The following SGCD variants were observed in gnomAD, a reference collection of about 807,000 sequenced individuals.
The protein encoded by SGCD is sarcoglycan delta, also known as delta-sarcoglycan.
In SGCD, 18 loss-of-function variants were observed where a neutral mutation model predicts 36.6. That is an observed-to-expected ratio of 0.49 (90% confidence interval 0.34 to 0.73). The LOEUF is 0.73. SGCD is among the 30% of genes least tolerant of loss of function. The pLI, the probability that SGCD is intolerant of heterozygous loss-of-function variation, is 0.01. For missense variants in SGCD, 387 were observed against 346.7 expected (o/e 1.12, Z -0.92); for synonymous variants, 133 against 130.6 (o/e 1.02, Z -0.12).
chr5:156,011,659 G>A (rs1758863915), intron 1 of SGCD, among the ~76,000 whole-genome samples: 1 of 152,048 alleles, frequency 6.6e-6, no homozygotes, highest in Admixed American at 6.5e-5. Context: ...AGGGTGGTCT[G>A]GAACTCCTGA....
At chr5:156,491,221 CT>C (rs1755922841) in intron 3 of SGCD, among the ~76,000 whole-genome samples, 2 of 151,980 alleles carry the variant, frequency 1.3e-5, no homozygotes, top group African/African-American at 4.8e-5. Context: ...AAAACATCCC[CT>C]GATCATAGAT....
the SGCD span, among the ~76,000 whole-genome samples, chr5:155,784,021 A>G: frequency 6.6e-6 from 1 of 152,178 alleles, no homozygotes; most frequent in Non-Finnish European, 1.5e-5. Flanking sequence ...GAGGGTAAAT[A>G]TGAGCCACTG....
chr5:155,944,187 A>G (rs963657690), intron 1 of SGCD, among the ~76,000 whole-genome samples: 3 of 152,196 alleles, frequency 2.0e-5, no homozygotes, highest in African/African-American at 7.2e-5. Flanking sequence ...TAGCTCTGTG[A>G]GTTGTTTCCT....
chr5:155,970,009 A>G (rs1301719635), intron 1 of SGCD, among the ~76,000 whole-genome samples: 1 of 151,930 alleles, frequency 6.6e-6, no homozygotes, highest in Non-Finnish European at 1.5e-5. Context: ...CCTTTAGTCA[A>G]CAGGACACAT....
chr5:155,991,436 C>A (rs181469396), intron 1 of SGCD, among the ~76,000 whole-genome samples: 2 of 152,168 alleles, frequency 1.3e-5, no homozygotes, highest in South Asian at 2.1e-4. Flanking sequence ...TGAATTCACA[C>A]TCAAAGAGAT....
rs907826563 is a variant in SGCD at position 155,911,207 on chromosome 5, A to AT, written c.-282+40787dup. On this transcript the variant is annotated intron_variant, in intron 1 of 9. Coordinates refer to the SGCD transcript ENST00000517913. ...TTCAAATATAGCTTATTACATGTGA[A>AT]TTTTCTGATCCTTTCCAATGGCTTC... is the stretch of plus-strand genomic sequence containing the variant. Among the ~76,000 whole-genome samples the AT allele has an allele frequency of 2.6e-4, 40 of 151,696 alleles. 2 individuals carry two copies. Among genetic ancestry groups the AT allele is most frequent in the Admixed American group, 2.5e-3 (38 of 15,180 alleles).
intron 7 of SGCD, among the ~76,000 whole-genome samples, chr5:156,736,141 G>C (rs776451932): frequency 6.6e-6 from 1 of 152,110 alleles, no homozygotes; most frequent in Non-Finnish European, 1.5e-5. Context: ...ATTAGTCCCA[G>C]TGTTGACTGT....
chr5:156,078,527 A>ATATATTTATT (rs1561710117), intron 1 of SGCD, among the ~76,000 whole-genome samples: 16 of 138,592 alleles, frequency 1.2e-4, no homozygotes, highest in African/African-American at 4.1e-4. Flanking sequence ...AAAAATATAT[A>ATATATTTATT]TATATATATA....
At chr5:156,154,108 A>T (rs1762892247) in intron 3 of SGCD, among the ~76,000 whole-genome samples, 1 of 151,564 alleles carries the variant, frequency 6.6e-6, no homozygotes, top group Non-Finnish European at 1.5e-5. Flanking sequence ...CTGATTAACC[A>T]CTGCTCTAAT....
chr5:156,732,735 T>C (rs1453500730), intron 7 of SGCD, among the ~76,000 whole-genome samples: 1 of 152,158 alleles, frequency 6.6e-6, no homozygotes, highest in Non-Finnish European at 1.5e-5. Flanking sequence ...CTCTTTTTGG[T>C]TGGTAGGCTA....
At chr5:155,976,477 A>G (rs920227329) in intron 1 of SGCD, among the ~76,000 whole-genome samples, 1 of 152,248 alleles carries the variant, frequency 6.6e-6, no homozygotes, top group Non-Finnish European at 1.5e-5. Flanking sequence ...GCTGTTAACC[A>G]GCATACCAAG....
chr5:155,753,888 A>G, the SGCD span, among the ~76,000 whole-genome samples: 4 of 151,994 alleles, frequency 2.6e-5, no homozygotes, highest in East Asian at 3.9e-4. Flanking sequence ...TTTTTGACCC[A>G]TGTCACATTT....
At chr5:156,084,111 A>C (rs1435338371) in intron 1 of SGCD, among the ~76,000 whole-genome samples, 1 of 152,226 alleles carries the variant, frequency 6.6e-6, no homozygotes, top group Non-Finnish European at 1.5e-5. Flanking sequence ...ATTTAGAATA[A>C]GCTTGTCTGT....
intron 6 of SGCD, among the ~76,000 whole-genome samples, chr5:156,621,530 T>C (rs1391614169): frequency 6.7e-6 from 1 of 150,042 alleles, no homozygotes; most frequent in Non-Finnish European, 1.5e-5. Flanking sequence ...AAAAAAAAAA[T>C]GTGCGTTATG....
chr5:156,755,529 T>C (rs954041248), intron 7 of SGCD, among the ~76,000 whole-genome samples: 3 of 152,114 alleles, frequency 2.0e-5, no homozygotes, highest in Non-Finnish European at 4.4e-5. Context: ...TGGATTAAGG[T>C]TCTAGACCAG....
chr5:156,597,505 C>T (rs944263093), intron 6 of SGCD, among the ~76,000 whole-genome samples: 1 of 152,160 alleles, frequency 6.6e-6, no homozygotes, highest in African/African-American at 2.4e-5. Context: ...GACTTATTCA[C>T]GATCATAAGA....
intron 3 of SGCD, among the ~76,000 whole-genome samples, chr5:156,363,528 G>C (rs1320923593): frequency 1.3e-5 from 2 of 151,890 alleles, no homozygotes; most frequent in African/African-American, 4.8e-5. Flanking sequence ...AAATTTCATT[G>C]ATCAGCTCAA....
At chr5:156,548,463 G>A (rs911591841) in intron 4 of SGCD, among the ~76,000 whole-genome samples, 4 of 152,194 alleles carry the variant, frequency 2.6e-5, no homozygotes, top group Admixed American at 6.5e-5. Flanking sequence ...TTTGCTGAGA[G>A]ACAAGAGCAT....
chr5:156,260,092 T>C (rs1404489803), intron 3 of SGCD, among the ~76,000 whole-genome samples: 1 of 152,176 alleles, frequency 6.6e-6, no homozygotes, highest in Non-Finnish European at 1.5e-5. Flanking sequence ...ATTGGTTACC[T>C]GTACTCTCCA....
Sources: gnomAD v4.1 joint callset for allele counts (sites outside exome capture counted in the v4.1 genomes callset) on GRCh38, gnomAD v4.1.1 for gene constraint, MANE v1.5 for transcripts, NCBI Gene and HGNC (gene_info 2026-07-23, HGNC 2026-07-21) for gene names.